Variants in RELCH observed in about 807,000 individuals in gnomAD.
RELCH encodes the protein RAB11 binding and LisH domain, coiled-coil and HEAT repeat containing.
RELCH carries 41 observed loss-of-function variants against 150.3 expected under a neutral mutation model. The ratio of observed to expected loss-of-function variants is 0.27; its 90% CI spans 0.21 to 0.35. The LOEUF is 0.35. RELCH is among the 10% of genes least tolerant of loss of function. The pLI is 1.00. For synonymous variants in RELCH, 478 were observed against 531.8 expected, an observed-to-expected ratio of 0.90 and a Z score of 1.39; for missense variants, 1,092 against 1,467.8, an observed-to-expected ratio of 0.74 and a Z score of 4.18.
At chr18:62,285,963 C>T (rs1011696988) in intron 25 of RELCH, 1 of 152,124 alleles carries the variant, frequency 6.6e-6, no homozygotes, top group African/African-American at 2.4e-5. Context: ...TGTCTGTCTT[C>T]CTGAGAATTA....
Position 62,279,807 on chromosome 18 carries a change from G to A in RELCH, c.3001G>A (p.Ala1001Thr), listed in dbSNP as rs1297463480. The part of the protein sequence containing the change: ...LVKGVNETLV[A>T]QRVVPALITL... Reference sequence around the variant, plus strand: ...GAAGGGGGTGAATGAAACTCTGGTAGCTCAGAGGGTTGTTCCTGCTCTCAT... The same window carrying A: ...GAAGGGGGTGAATGAAACTCTGGTAACTCAGAGGGTTGTTCCTGCTCTCAT... The change falls in exon 23 of 29, where the codon GCT becomes ACT. Residue 1001 changes from alanine to threonine, a missense_variant. Around this residue, in one of 4 missense-constraint regions of RELCH, gnomAD observed 707 missense variants for 1,025.4 expected, o/e 0.69. Transcript: ENST00000644646. 1 of 1,535,752 alleles carries A rather than the reference G, an allele frequency of 6.5e-7. No homozygotes were observed. The highest frequency in any genetic ancestry group is 1.2e-5 in the South Asian group (1 of 84,052).
chr18:62,196,577 A>G (rs191838855), intron 1 of RELCH, among the ~76,000 whole-genome samples: 1 of 152,328 alleles, frequency 6.6e-6, no homozygotes, highest in East Asian at 1.9e-4. Flanking sequence ...TTTTACCTGA[A>G]TTAGACTTTC....
At chr18:62,253,248 T>G (rs994138230) in intron 12 of RELCH, among the ~76,000 whole-genome samples, 194 of 63,416 alleles carry the variant, frequency 3.1e-3, no homozygotes, top group African/African-American at 0.01. Context: ...GGAGTATACT[T>G]GAAGAAACAG....
intron 1 of RELCH, among the ~76,000 whole-genome samples, chr18:62,208,992 C>T (rs776996287): frequency 7.9e-5 from 12 of 152,170 alleles, no homozygotes; most frequent in Non-Finnish European, 1.6e-4. Context: ...CATGGCCCTC[C>T]TCCACTTTTC....
chr18:62,284,162 A>G (rs895386649), intron 25 of RELCH: 4 of 152,200 alleles, frequency 2.6e-5, no homozygotes, highest in Non-Finnish European at 5.9e-5. Context: ...CAAATTAAAC[A>G]TAGTGTCAAT....
At chr18:62,211,116 T>C in intron 1 of RELCH, 37 bp from the exon 2 acceptor site, 1 of 1,127,876 alleles carries the variant, frequency 8.9e-7, no homozygotes, top group Non-Finnish European at 1.3e-6. Context: ...ATTTTAACAA[T>C]TAAATTAAAA....
rs551767418 is a variant in RELCH, at chr18:62,254,315, C to T, written c.1825-1092C>T. 2.6e-4 allele frequency among the ~76,000 whole-genome samples: 39 copies of T among 152,028 alleles called. 1 individual carries two copies. In the South Asian group the frequency reaches 7.3e-3, roughly 28 times the overall value. On this transcript the variant is annotated intron_variant, in intron 12 of 28. Coordinates refer to ENST00000644646, the MANE Select transcript of RELCH (RefSeq NM_001346231.2). Reference sequence around the variant, plus strand: ...TTTTCCGAGTAGTGTACGTTTTGCCCTTTTGTTTTATTTATTTCTAAGTAT... The same window carrying T: ...TTTTCCGAGTAGTGTACGTTTTGCCTTTTTGTTTTATTTATTTCTAAGTAT...
At chr18:62,236,466 G>T (rs1202867569) in intron 10 of RELCH, among the ~76,000 whole-genome samples, 2 of 151,786 alleles carry the variant, frequency 1.3e-5, no homozygotes, top group Admixed American at 6.6e-5. Context: ...TTGGGCTAAG[G>T]CTGGCTTGAT....
chr18:62,278,526 T>C (rs965161839), intron 22 of RELCH, among the ~76,000 whole-genome samples: 9 of 152,146 alleles, frequency 5.9e-5, no homozygotes, highest in Non-Finnish European at 1.2e-4. Context: ...TCTGATGTGT[T>C]ATATAGGAGG....
intron 9 of RELCH, among the ~76,000 whole-genome samples, 185 bp downstream of exon 9, chr18:62,231,454 T>C (rs1315310589): frequency 6.6e-6 from 1 of 152,070 alleles, no homozygotes; most frequent in Non-Finnish European, 1.5e-5. Flanking sequence ...TAGTTGATTA[T>C]TTCTGTTTTT....
chr18:62,252,877 A>G (rs1470614262), intron 12 of RELCH, 123 bp downstream of exon 12: 11 of 691,060 alleles, frequency 1.6e-5, no homozygotes, highest in Non-Finnish European at 2.7e-5. Context: ...ATGTTTCTGT[A>G]GCCCAGCACA....
chr18:62,298,093 T>A (rs1004008634), intron 27 of RELCH, among the ~76,000 whole-genome samples: 2 of 149,622 alleles, frequency 1.3e-5, no homozygotes, highest in Non-Finnish European at 3.0e-5. Context: ...ATTTGCTTTA[T>A]CCCCCCCCGT....
At chr18:62,254,930 T>C (rs1378129075) in intron 12 of RELCH, among the ~76,000 whole-genome samples, 1 of 152,186 alleles carries the variant, frequency 6.6e-6, no homozygotes, top group Non-Finnish European at 1.5e-5. Flanking sequence ...GCTTACTTTA[T>C]AAATAAAAGC....
intron 12 of RELCH, among the ~76,000 whole-genome samples, chr18:62,254,437 T>C (rs942480848): frequency 6.6e-6 from 1 of 152,164 alleles, no homozygotes; most frequent in African/African-American, 2.4e-5. Context: ...GATTTTTGCA[T>C]TTCAATTTTG....
intron 10 of RELCH, among the ~76,000 whole-genome samples, chr18:62,244,522 C>G (rs564225079): frequency 2.6e-5 from 4 of 152,172 alleles, no homozygotes; most frequent in Admixed American, 2.6e-4. Flanking sequence ...GATTAAAAAC[C>G]AAGGCTAGTT....
Position 62,300,235 on chromosome 18 carries a change from C to T in RELCH, c.3530+1375C>T, listed in dbSNP as rs981568967. ...TCTCTATTTCTTGTATATTTGGTAG[C>T]TGGGTCTAGATCTAGAGACTTAATC... On this transcript the variant is annotated intron_variant, in intron 28 of 28. Transcript: ENST00000644646. 3 of 152,160 alleles carry T rather than the reference C, an allele frequency of 2.0e-5. No homozygotes were observed. In the East Asian group the frequency reaches 5.8e-4, roughly 29 times the overall value. The allele number at this position is 152,160 out of a possible 1,614,324, so 9.4% of individuals were successfully genotyped here. A position where few individuals can be genotyped will look rare whatever the true frequency, so the allele number is the denominator to read the frequency against.
Position 62,270,836 on chromosome 18 carries a change from G to A in RELCH, c.2760+1888G>A, listed in dbSNP as rs138181993. 2.8e-4 allele frequency among the ~76,000 whole-genome samples: 42 copies of A among 148,006 alleles called. No homozygotes were observed. The East Asian group carries it at 5.5e-3, about 20-fold the overall frequency. ...CAGGCCTCGGGGTGTGATGTTCCCCGCCTTGTGTCCAAGTGTTCTCATTGT... is the reference window on the plus strand; with the variant it reads ...CAGGCCTCGGGGTGTGATGTTCCCCACCTTGTGTCCAAGTGTTCTCATTGT... On this transcript the variant is annotated intron_variant, in intron 20 of 28. Coordinates refer to ENST00000644646, the MANE Select transcript of RELCH (RefSeq NM_001346231.2).
At chr18:62,269,046 A>G (rs2043746320) in intron 20 of RELCH, 98 bp downstream of exon 20, 2 of 508,670 alleles carry the variant, frequency 3.9e-6, no homozygotes, top group Non-Finnish European at 3.5e-6. Context: ...CTACCAATAA[A>G]GAAAAACAAT....
chr18:62,291,442 T>G, intron 26 of RELCH, 101 bp from the exon 27 acceptor site: 1 of 601,560 alleles, frequency 1.7e-6, no homozygotes, highest in Non-Finnish European at 2.9e-6. Flanking sequence ...ATGCCATAGG[T>G]ATGATATAAG....
Sources: gnomAD v4.1 joint callset for allele counts (sites outside exome capture counted in the v4.1 genomes callset) on GRCh38, gnomAD v4.1.1 for gene constraint, gnomAD v4.1.1 regional missense constraint, MANE v1.5 for transcripts, NCBI Gene and HGNC (gene_info 2026-07-23, HGNC 2026-07-21) for gene names.